RNF8: variants seen among roughly 807,000 people sequenced by gnomAD.
The protein encoded by RNF8 is E3 ubiquitin-protein ligase RNF8.
Under a neutral mutation model 59.3 loss-of-function variants are expected in RNF8, and 8 were observed. That is an observed-to-expected ratio of 0.13 (90% CI 0.08 to 0.24). The LOEUF is 0.24. Ranked by LOEUF, RNF8 falls within the 10% of genes least tolerant of loss-of-function variation. RNF8 has a pLI of 1.00. For synonymous variants in RNF8, 162 were observed against 200.0 expected, an observed-to-expected ratio of 0.81 and a Z score of 1.60; for missense variants, 406 against 572.6, an observed-to-expected ratio of 0.71 and a Z score of 2.97.
intron 2 of RNF8, among the ~76,000 whole-genome samples, chr6:37,362,514 G>A (rs938464757): frequency 4.3e-5 from 3 of 70,390 alleles, no homozygotes; most frequent in African/African-American, 1.8e-4. Flanking sequence ...TGAGATAACT[G>A]ATTTAATTTT....
chr6:37,381,016 G>A, intron 6 of RNF8, 134 bp from the exon 7 acceptor site: 2 of 762,646 alleles, frequency 2.6e-6, no homozygotes, highest in South Asian at 3.3e-5. Flanking sequence ...CTCTTTATAA[G>A]CCCTTAAGAT....
At chr6:37,375,409 G>A (rs538474693) in intron 5 of RNF8, among the ~76,000 whole-genome samples, 2 of 152,326 alleles carry the variant, frequency 1.3e-5, no homozygotes, top group South Asian at 2.1e-4. Flanking sequence ...TCAGCTTTTT[G>A]TGTGTGTTTT....
intron 4 of RNF8, among the ~76,000 whole-genome samples, chr6:37,373,870 C>G (rs530342047): frequency 6.6e-6 from 1 of 152,188 alleles, no homozygotes; most frequent in African/African-American, 2.4e-5. Context: ...AAATACTTAC[C>G]TTTACTCCAC....
Position 37,354,119 on chromosome 6 carries a change from G to A in RNF8, c.-46G>A. 1 of 1,492,940 alleles carries A rather than the reference G, an allele frequency of 6.7e-7. No individual in the cohort carries two copies. Among genetic ancestry groups the A allele is most frequent in the Non-Finnish European group, 9.1e-7 (1 of 1,093,292 alleles). 92.5% of individuals were successfully genotyped at this position (1,492,940 alleles called of 1,614,324 possible). A position where few individuals can be genotyped will look rare whatever the true frequency, so the allele number is the denominator to read the frequency against. Reference sequence around the variant, plus strand: ...ATGCACAGAGGCAGCCAGAACCTAGGTCAGGGTCTCGCTCGGTGCTGACCG... The same window carrying A: ...ATGCACAGAGGCAGCCAGAACCTAGATCAGGGTCTCGCTCGGTGCTGACCG... On this transcript the variant is annotated 5_prime_UTR_variant, in exon 1 of 8. Coordinates refer to ENST00000373479, the MANE Select transcript of RNF8 (RefSeq NM_003958.4).
chr6:37,376,486 T>G (rs1026042845), intron 5 of RNF8, among the ~76,000 whole-genome samples: 1 of 152,186 alleles, frequency 6.6e-6, no homozygotes, highest in Non-Finnish European at 1.5e-5. Context: ...GAGGGCTGTC[T>G]TCTGATTCGT....
Position 37,392,979 on chromosome 6 carries a change from T to G in RNF8, c.*2221T>G, listed in dbSNP as rs1770767051. The G allele has an allele frequency of 5.0e-6, 1 of 200,818 alleles. No individual in the cohort carries two copies. The highest frequency in any genetic ancestry group is 5.9e-5 in the Admixed American group (1 of 16,840). 12.4% of individuals were successfully genotyped at this position (200,818 alleles called of 1,614,324 possible). ...AAGAAGAGACATCTTGACTTGAGCC[T>G]GAAGACTATGTACAGAGACTGACCT... is the stretch of plus-strand genomic sequence containing the variant. On this transcript the variant is annotated 3_prime_UTR_variant, in exon 8 of 8. Coordinates refer to ENST00000373479, the MANE Select transcript of RNF8 (RefSeq NM_003958.4).
intron 3 of RNF8, 90 bp from the exon 4 acceptor site, chr6:37,371,422 A>G (rs1333221007): frequency 3.9e-6 from 4 of 1,022,074 alleles, no homozygotes; most frequent in South Asian, 2.9e-5. Context: ...AGATGCTCAT[A>G]CTAGCTGGTC....
intron 1 of RNF8, chr6:37,359,301 C>A: frequency 2.4e-6 from 1 of 411,820 alleles, no homozygotes; most frequent in Non-Finnish European, 4.7e-6. Flanking sequence ...AGAATATGTA[C>A]TCCAATGCAA....
chr6:37,368,931 G>A lies in RNF8; in HGVS notation c.688G>A (p.Val230Ile). The change falls in exon 3 of 8, where the codon GTT becomes ATT. Residue 230 changes from valine (V) to isoleucine (I), a missense_variant. Val to Ile is a conservative substitution (Grantham distance 29, BLOSUM62 3). This residue lies in a region of RNF8 where 285 missense variants were observed against 342.0 expected (regional missense o/e 0.83). Coordinates refer to ENST00000373479, the MANE Select transcript of RNF8 (RefSeq NM_003958.4). ...CCCTGGCTTCCCCAAAGTCACAGAG[G>A]TTCATCATGAGCAGAAAGCCTCAAA... ...IYPGFPKVTE[V>I]HHEQKASNSS... The A allele has an allele frequency of 6.2e-7, 1 of 1,614,184 alleles. No homozygotes were observed. The highest frequency in any genetic ancestry group is 8.5e-7 in the Non-Finnish European group (1 of 1,180,042).
chr6:37,382,556 C>T (rs374003157), intron 7 of RNF8, among the ~76,000 whole-genome samples: 2 of 152,072 alleles, frequency 1.3e-5, no homozygotes, highest in Non-Finnish European at 2.9e-5. Context: ...CAGATTTGGC[C>T]AAGATCAGCT....
chr6:37,390,199 C>A (rs1770668354), intron 7 of RNF8, among the ~76,000 whole-genome samples: 1 of 152,156 alleles, frequency 6.6e-6, no homozygotes, highest in Non-Finnish European at 1.5e-5. Flanking sequence ...AGGCACTGTT[C>A]TAGATGCTGA....
At chr6:37,385,302 C>T (rs1770449811) in intron 7 of RNF8, among the ~76,000 whole-genome samples, 1 of 151,534 alleles carries the variant, frequency 6.6e-6, no homozygotes, top group South Asian at 2.1e-4. Flanking sequence ...CGTGAGCCAC[C>T]GCGCCTGGCT....
intron 2 of RNF8, among the ~76,000 whole-genome samples, chr6:37,363,755 G>A (rs1479881650): frequency 6.6e-6 from 1 of 152,126 alleles, no homozygotes; most frequent in Non-Finnish European, 1.5e-5. Context: ...TTCACTCCCC[G>A]GGAAACAGCC....
intron 2 of RNF8, among the ~76,000 whole-genome samples, chr6:37,367,348 T>C (rs2113820478): frequency 6.6e-6 from 1 of 152,366 alleles, no homozygotes; most frequent in Non-Finnish European, 1.5e-5. Context: ...CTCCAGGATC[T>C]GTGCTCTTAA....
In RNF8 at chr6:37,381,239, G is replaced by A. The variant is rs2113831121; in HGVS notation, c.1326G>A (p.Lys442=). The change falls in exon 7 of 8, where the codon AAG becomes AAA. Residue 442 remains lysine, a synonymous_variant. Coordinates refer to ENST00000373479, the MANE Select transcript of RNF8 (RefSeq NM_003958.4). The part of the protein sequence containing the change: ...KRKIECPICR[K]DIKSKTYSLV... Reference sequence around the variant, plus strand: ...AGATAGAATGCCCCATTTGTCGGAAGGACATTAAGTCCAAAACGTACTCTT... The same window carrying A: ...AGATAGAATGCCCCATTTGTCGGAAAGACATTAAGTCCAAAACGTACTCTT... The A allele has an allele frequency of 6.2e-7, 1 of 1,614,116 alleles. No homozygotes were observed. The highest frequency in any genetic ancestry group is 8.5e-7 in the Non-Finnish European group (1 of 1,180,012).
intron 4 of RNF8, 68 bp from the exon 5 acceptor site, chr6:37,374,552 A>G (rs1769933284): frequency 1.7e-6 from 2 of 1,168,376 alleles, no homozygotes; most frequent in Non-Finnish European, 2.6e-6. Context: ...GAGAACAGGC[A>G]TGTTTGTGGC....
chr6:37,390,541 A>G (rs2113837284), intron 7 of RNF8, among the ~76,000 whole-genome samples: 1 of 152,200 alleles, frequency 6.6e-6, no homozygotes, highest in South Asian at 2.1e-4. Flanking sequence ...TAGGCCTTTG[A>G]AAGGACTTTG....
Position 37,392,402 on chromosome 6 carries a change from G to A in RNF8, c.*1644G>A, listed in dbSNP as rs1770751261. The A allele has an allele frequency of 2.5e-6, 1 of 398,358 alleles. No individual in the cohort carries two copies. Among genetic ancestry groups the A allele is most frequent in the Admixed American group, 4.4e-5 (1 of 22,710 alleles). 24.7% of individuals were successfully genotyped at this position (398,358 alleles called of 1,614,324 possible). ...TATGTTCACATAGTTTGAAATTAAA[G>A]GTACAAAATGGCGTAGAATGAAATG... On this transcript the variant is annotated 3_prime_UTR_variant, in exon 8 of 8. Transcript: ENST00000373479.
intron 7 of RNF8, 110 bp downstream of exon 7, chr6:37,381,464 G>A: frequency 1.1e-6 from 1 of 889,774 alleles, no homozygotes. Flanking sequence ...CTTGAACTAG[G>A]GAAGAGATGG....
Sources: gnomAD v4.1 joint callset for allele counts (sites outside exome capture counted in the v4.1 genomes callset) on GRCh38, gnomAD v4.1.1 for gene constraint, gnomAD v4.1.1 regional missense constraint, MANE v1.5 for transcripts, NCBI Gene and HGNC (gene_info 2026-07-23, HGNC 2026-07-21) for gene names.